Variants in DUS3L observed in about 807,000 individuals in gnomAD.
The protein encoded by DUS3L is dihydrouridine synthase 3 like, also known as tRNA-dihydrouridine(47) synthase [NAD(P)(+)]-like.
Under a neutral mutation model 74.6 loss-of-function variants are expected in DUS3L, and 62 were observed. The observed-to-expected ratio is 0.83, with a 90% CI of 0.68 to 1.03. DUS3L has a LOEUF of 1.03. DUS3L is among the 50% of genes least tolerant of loss of function. The probability of loss-of-function intolerance (pLI) is 0.00; values close to 1 mark genes in which losing one functional copy is unlikely to be tolerated. For missense variants in DUS3L, 884 were observed against 924.4 expected (o/e 0.96, Z 0.57); for synonymous variants, 433 against 395.7 (o/e 1.09, Z -1.12).
chr19:5,787,993 C>G (rs1203830886), intron 5 of DUS3L, 31 bp downstream of exon 5: 1 of 1,608,420 alleles, frequency 6.2e-7, no homozygotes, highest in East Asian at 2.2e-5. Context: ...GAGGGCCCCT[C>G]CACTCTCCCT....
In DUS3L at chr19:5,786,894, G is replaced by A. The variant is rs768103555; in HGVS notation, c.1390-49C>T. On this transcript the variant is annotated intron_variant, in intron 8 of 12. Coordinates refer to ENST00000309061, the MANE Select transcript of DUS3L (RefSeq NM_020175.3). ...GGTAGGAGGCAGAGAGTGAGACGCA[G>A]AGAGGAAGAGACCAAGAGAGCCAGG... 10 of 1,553,284 alleles carry A rather than the reference G, an allele frequency of 6.4e-6. No homozygotes were observed. The South Asian group carries it at 1.1e-4, about 17-fold the overall frequency.
At position 5,791,070 on chromosome 19, in the gene DUS3L, T is replaced by C; in HGVS notation, c.72A>G (p.Glu24=). 1 of 1,606,930 alleles carries C rather than the reference T, an allele frequency of 6.2e-7. No homozygotes were observed. The highest frequency in any genetic ancestry group is 8.5e-7 in the Non-Finnish European group (1 of 1,177,232). Residue 24 remains glutamate (E), a synonymous_variant, in exon 1 of 13, where the codon GAA becomes GAG. Transcript: ENST00000309061. ...GACGCTTAATGGGCGCCACTCCTCG[T>C]TCCAAAGCTCCGGCTCCCGAGTCGC... ...GGGDSGAGAL[E]RGVAPIKRQY... is the part of the protein sequence containing the mutation.
intron 2 of DUS3L, 28 bp downstream of exon 2, chr19:5,790,019 G>A (rs767060345): frequency 1.4e-5 from 22 of 1,607,310 alleles, no homozygotes; most frequent in Non-Finnish European, 1.8e-5. Context: ...GCCTGCCCCG[G>A]CAGGAATGCT....
chr19:5,789,951 C>G lies in DUS3L; in HGVS notation c.387+96G>C, dbSNP rs116621384. ...ATCAGAGCAAGCTCACTGCTCGTTG[C>G]TGAAGGCCCAGGAGCTTTCTAACAA... On this transcript the variant is annotated intron_variant, in intron 2 of 12. Coordinates refer to ENST00000309061, the MANE Select transcript of DUS3L (RefSeq NM_020175.3). 775 of 1,522,622 alleles carry G rather than the reference C, an allele frequency of 5.1e-4. 2 individuals carry two copies. The African/African-American group carries it at 9.8e-3, about 19-fold the overall frequency. 94.3% of individuals were successfully genotyped at this position (1,522,622 alleles called of 1,614,324 possible). A position where few individuals can be genotyped will look rare whatever the true frequency, so the allele number is the denominator to read the frequency against.
Position 5,786,833 on chromosome 19 carries a change from A to C in DUS3L, c.1402T>G (p.Ser468Ala), listed in dbSNP as rs373587986. Residue 468 changes from serine (S) to alanine (A), a missense_variant, in exon 9 of 13, where the codon TCT becomes GCT. By Grantham distance (99) the Ser-to-Ala change is moderately conservative (BLOSUM62 1). Coordinates refer to ENST00000309061, the MANE Select transcript of DUS3L (RefSeq NM_020175.3). ...AGCTTGGTGTAGCGCTGCTCCCGAG[A>C]GCGGCCGTGGAGCTGGGGGAGAAGC... Reference protein sequence around the residue: ...GVALVTLHGRSREQRYTKLAD... With the variant: ...GVALVTLHGRAREQRYTKLAD... 6 of 1,609,698 alleles carry C rather than the reference A, an allele frequency of 3.7e-6. No homozygotes were observed. The highest frequency in any genetic ancestry group is 5.1e-6 in the Non-Finnish European group (6 of 1,178,868).
chr19:5,787,473 G>A (rs2056865155), intron 6 of DUS3L, 112 bp from the exon 7 acceptor site: 1 of 1,505,826 alleles, frequency 6.6e-7, no homozygotes, highest in Non-Finnish European at 9.2e-7. Flanking sequence ...GGAAAGGCAG[G>A]GACTCCAGGG....
chr19:5,789,105 C>G (rs2056882996), intron 3 of DUS3L, 102 bp downstream of exon 3: 1 of 1,462,952 alleles, frequency 6.8e-7, no homozygotes. Context: ...CACACAGCCT[C>G]TGACTCCCAG....
intron 5 of DUS3L, 79 bp downstream of exon 5, chr19:5,787,945 A>G (rs2056870254): frequency 1.3e-6 from 2 of 1,574,246 alleles, no homozygotes; most frequent in South Asian, 2.3e-5. Flanking sequence ...GGAGGCAACC[A>G]GGGCAGACCT....
At position 5,788,217 on chromosome 19, in the gene DUS3L, G is replaced by GCA. The variant is rs113274115; in HGVS notation, c.943-43_943-42dup. The GCA allele has an allele frequency of 4.3e-3, 6,429 of 1,492,046 alleles. 66 individuals are homozygous for GCA. The African/African-American group carries it at 0.049, about 11-fold the overall frequency. The allele number at this position is 1,492,046 out of a possible 1,614,324, so 92.4% of individuals were successfully genotyped here. A position where few individuals can be genotyped will look rare whatever the true frequency, so the allele number is the denominator to read the frequency against. On this transcript the variant is annotated intron_variant, in intron 4 of 12. Coordinates refer to ENST00000309061, the MANE Select transcript of DUS3L (RefSeq NM_020175.3). Reference sequence around the variant, plus strand: ...GACAGACACACATGCTCTTGCACGCGCACACACACACACACACAGCAGAAC... The same window carrying GCA: ...GACAGACACACATGCTCTTGCACGCGCACACACACACACACACACAGCAGAAC...
rs757772015 is a variant in DUS3L, at chr19:5,785,586, C to G, written c.1751+17G>C. 9.4e-6 allele frequency: 15 copies of G among 1,591,986 alleles called. No homozygotes were observed. Among genetic ancestry groups the G allele is most frequent in the Non-Finnish European group, 7.7e-6 (9 of 1,168,228 alleles). ...GCGGCCCACGCGCCGCCCACCCCAG[C>G]CAGCCCCGGTGCCCACCGGCACAGG... On this transcript the variant is annotated intron_variant, in intron 11 of 12. Coordinates refer to ENST00000309061, the MANE Select transcript of DUS3L (RefSeq NM_020175.3).
intron 3 of DUS3L, among the ~76,000 whole-genome samples, chr19:5,788,669 G>A (rs1217178784): frequency 6.7e-6 from 1 of 150,316 alleles, no homozygotes; most frequent in Non-Finnish European, 1.5e-5. Context: ...CCCGCTGCCC[G>A]ACCCTGACCC....
In DUS3L at chr19:5,785,392, A is replaced by T; in HGVS notation, c.1871T>A (p.Ile624Asn). 1 of 1,598,316 alleles carries T rather than the reference A, an allele frequency of 6.3e-7. No individual in the cohort carries two copies. The highest frequency in any genetic ancestry group is 8.5e-7 in the Non-Finnish European group (1 of 1,171,810). The change falls in exon 12 of 13, where the codon ATC becomes AAC. Residue 624 changes from isoleucine to asparagine, a missense_variant. By Grantham distance (149) the Ile-to-Asn change is moderately radical (BLOSUM62 -3). Transcript: ENST00000309061. The stretch of plus-strand genomic sequence containing the variant: ...CAGCCCACCCAGGCACCTGATGCGG[A>T]TCCAGTCGGCTGCCTTCTGGCTGGC... ...LMASQKAADW[I>N]RISEMLLGPV...
Position 5,789,715 on chromosome 19 carries a change from G to A in DUS3L, c.392C>T (p.Ser131Leu), listed in dbSNP as rs972054724. 3.7e-6 allele frequency: 6 copies of A among 1,600,262 alleles called. No individual in the cohort carries two copies. In the African/African-American group the frequency reaches 5.3e-5, roughly 14 times the overall value. The change falls in exon 3 of 13, where the codon TCG (serine) becomes TTG (leucine). Residue 131 changes from serine (S) to leucine (L), a missense_variant. Ser to Leu is a moderately radical substitution (Grantham distance 145, BLOSUM62 -2). Coordinates refer to ENST00000309061, the MANE Select transcript of DUS3L (RefSeq NM_020175.3). The stretch of plus-strand genomic sequence containing the variant: ...ATCACCGAAGAAACACTTAGCAGCC[G>A]ACTCCTGCGAGGAAACAGGGAAGCA... ...NRLCPSLIQE[S>L]AAKCFFGDRC...
At chr19:5,789,914 A>G in intron 2 of DUS3L, 133 bp downstream of exon 2, 1 of 1,351,794 alleles carries the variant, frequency 7.4e-7, no homozygotes. Context: ...AGGAGAATGA[A>G]GACGGAATGG....
chr19:5,789,158 C>G, intron 3 of DUS3L, 49 bp downstream of exon 3: 1 of 1,499,628 alleles, frequency 6.7e-7, no homozygotes, highest in Non-Finnish European at 8.9e-7. Context: ...ATTTAATAGA[C>G]GCACACCAGA....
Position 5,789,334 on chromosome 19 carries a change from T to G in DUS3L, c.773A>C (p.Glu258Ala). ...GTAAEGAPRQ[E>A]NCGAQQVPAG... ...GGGGACCTGCTGGGCACCACAGTTTTCCTGCCTGGGAGCGCCCTCGGCTGC... is the reference window on the plus strand; with the variant it reads ...GGGGACCTGCTGGGCACCACAGTTTGCCTGCCTGGGAGCGCCCTCGGCTGC... The change falls in exon 3 of 13, where the codon GAA (glutamate) becomes GCA (alanine). Residue 258 changes from glutamate to alanine, a missense_variant. Coordinates refer to ENST00000309061, the MANE Select transcript of DUS3L (RefSeq NM_020175.3). The G allele has an allele frequency of 6.2e-7, 1 of 1,605,418 alleles. No individual in the cohort carries two copies.
intron 1 of DUS3L, chr19:5,790,798 G>T: frequency 1.7e-6 from 1 of 592,190 alleles, no homozygotes; most frequent in Admixed American, 3.0e-5. Context: ...TATGCAGCGC[G>T]GGCCTGGCCT....
At chr19:5,790,713 C>T (rs1467547313) in intron 1 of DUS3L, 1 of 549,290 alleles carries the variant, frequency 1.8e-6, no homozygotes, top group Non-Finnish European at 3.2e-6. Context: ...TCGCTTCAAC[C>T]CCAAGACCCG....
In DUS3L at chr19:5,789,625, C is replaced by CG; in HGVS notation, c.481dup (p.Arg161ProfsTer69). 6.2e-7 allele frequency: 1 copy of CG among 1,601,294 alleles called. No individual in the cohort carries two copies. Among genetic ancestry groups the CG allele is most frequent in the East Asian group, 2.3e-5 (1 of 44,408 alleles). The stretch of plus-strand genomic sequence containing the variant: ...GCCGAAGGTCTCGAAGAGCACGCAG[C>CG]GGGGGCCCAGGTCGGCCGGCTTGGT... On this transcript the variant is annotated frameshift_variant, in exon 3 of 13. Coordinates refer to ENST00000309061, the MANE Select transcript of DUS3L (RefSeq NM_020175.3). LOFTEE classifies it high-confidence loss of function.
Sources: allele counts gnomAD v4.1 joint callset (sites outside exome capture counted in the v4.1 genomes callset), GRCh38; gene constraint gnomAD v4.1.1; transcripts MANE v1.5; gene names NCBI Gene and HGNC (gene_info 2026-07-23, HGNC 2026-07-21).